Variants in SEC31A observed in about 807,000 individuals in gnomAD.
SEC31A encodes protein transport protein Sec31A.
SEC31A carries 70 observed loss-of-function variants against 151.0 expected under a neutral mutation model. The ratio of observed to expected loss-of-function variants is 0.46; its 90% confidence interval spans 0.38 to 0.57. The LOEUF (loss-of-function observed/expected upper bound fraction) is 0.57, where lower values mean the gene tolerates loss of function less well. SEC31A is among the 20% of genes least tolerant of loss of function. The pLI, the probability that SEC31A is intolerant of heterozygous loss-of-function variation, is 0.00. For missense variants in SEC31A, 1,330 were observed against 1,471.2 expected, an observed-to-expected ratio of 0.90 and a Z score of 1.57; for synonymous variants, 475 against 505.9, an observed-to-expected ratio of 0.94 and a Z score of 0.82.
intron 10 of SEC31A, among the ~76,000 whole-genome samples, chr4:82,866,357 G>A (rs997172830): frequency 2.0e-5 from 3 of 152,130 alleles, no homozygotes; most frequent in African/African-American, 7.2e-5. Flanking sequence ...TGTAATCCCA[G>A]CTACCCAGGA....
intron 22 of SEC31A, among the ~76,000 whole-genome samples, chr4:82,840,892 G>A (rs1351748835): frequency 2.0e-5 from 3 of 152,186 alleles, no homozygotes; most frequent in African/African-American, 7.2e-5. Context: ...AGATGCTCTG[G>A]GTGAGTTGTG....
At position 82,842,191 on chromosome 4, in the gene SEC31A, T is replaced by C. The variant is rs901228342; in HGVS notation, c.2917A>G (p.Thr973Ala). 3.3e-5 allele frequency: 53 copies of C among 1,598,368 alleles called. No homozygotes were observed. The highest frequency in any genetic ancestry group is 4.5e-5 in the Non-Finnish European group (53 of 1,170,646). Residue 973 changes from threonine (T) to alanine (A), a missense_variant, in exon 22 of 27, where the codon ACA becomes GCA. Thr to Ala is a moderately conservative substitution (Grantham distance 58). Coordinates refer to ENST00000395310, the MANE Select transcript of SEC31A (RefSeq NM_001077207.4). ...SSSAYALPPG[T>A]TGTLPAASEL... ...CTGGCAGCAGGCAGTGTACCTGTTGTTCCAGGAGGCAGTGCATAAGCTGAA... is the reference window on the plus strand; with the variant it reads ...CTGGCAGCAGGCAGTGTACCTGTTGCTCCAGGAGGCAGTGCATAAGCTGAA...
At chr4:82,827,231 T>A in intron 24 of SEC31A, 138 bp downstream of exon 24, 1 of 960,308 alleles carries the variant, frequency 1.0e-6, no homozygotes, top group Non-Finnish European at 1.6e-6. Context: ...TGATCGATCT[T>A]AAAAAAAAGT....
intron 21 of SEC31A, among the ~76,000 whole-genome samples, chr4:82,843,382 C>A (rs1182639334): frequency 1.3e-5 from 2 of 152,182 alleles, no homozygotes; most frequent in Admixed American, 1.3e-4. Context: ...AAGCAATCCT[C>A]CTAACTTCAG....
intron 6 of SEC31A, among the ~76,000 whole-genome samples, chr4:82,873,989 T>C (rs1737359050): frequency 6.6e-6 from 1 of 152,040 alleles, no homozygotes; most frequent in African/African-American, 2.4e-5. Context: ...CTAAGAAAAG[T>C]TAAAGATGAA....
intron 3 of SEC31A, among the ~76,000 whole-genome samples, chr4:82,896,849 G>A (rs1363193112): frequency 6.6e-6 from 1 of 152,142 alleles, no homozygotes; most frequent in African/African-American, 2.4e-5. Context: ...ATCATTGAAG[G>A]AGTTTGACCT....
chr4:82,827,749 T>C, intron 23 of SEC31A, 117 bp from the exon 24 acceptor site: 1 of 925,102 alleles, frequency 1.1e-6, no homozygotes, highest in Non-Finnish European at 1.7e-6. Flanking sequence ...TTTTTAATAG[T>C]AGTAGAATAC....
At chr4:82,851,686 A>G in intron 18 of SEC31A, 82 bp from the exon 19 acceptor site, 1 of 1,245,318 alleles carries the variant, frequency 8.0e-7, no homozygotes, top group Non-Finnish European at 1.1e-6. Flanking sequence ...AGTTACTAAG[A>G]TTTCTAAAAC....
intron 22 of SEC31A, among the ~76,000 whole-genome samples, chr4:82,837,524 T>C (rs1136884): frequency 6.6e-6 from 1 of 152,042 alleles, no homozygotes; most frequent in Admixed American, 6.6e-5. Flanking sequence ...GCTGGGAATA[T>C]AGGCATGTGC....
At chr4:82,889,896 G>C (rs1413487621) in intron 1 of SEC31A, among the ~76,000 whole-genome samples, 1 of 152,108 alleles carries the variant, frequency 6.6e-6, no homozygotes, top group Non-Finnish European at 1.5e-5. Flanking sequence ...TGTTAATTAA[G>C]GGATAGTGAG....
At chr4:82,846,397 A>ATAATAG (rs1207196533) in intron 20 of SEC31A, among the ~76,000 whole-genome samples, 1 of 148,484 alleles carries the variant, frequency 6.7e-6, no homozygotes, top group East Asian at 2.0e-4. Context: ...AATAATAATA[A>ATAATAG]TAATAATACA....
chr4:82,886,806 AAC>A (rs998354609), intron 1 of SEC31A, among the ~76,000 whole-genome samples: 5 of 152,232 alleles, frequency 3.3e-5, no homozygotes, highest in Admixed American at 3.3e-4. Context: ...AACATTTTGT[AAC>A]ATTCTACTAG....
intron 22 of SEC31A, 94 bp from the exon 23 acceptor site, chr4:82,829,152 T>A: frequency 1.9e-6 from 2 of 1,027,230 alleles, no homozygotes; most frequent in East Asian, 2.5e-5. Flanking sequence ...AATTCTGCCT[T>A]AACCCTGAAA....
At chr4:82,863,472 A>G in intron 11 of SEC31A, 80 bp from the exon 12 acceptor site, 1 of 750,954 alleles carries the variant, frequency 1.3e-6, no homozygotes, top group Admixed American at 2.9e-5. Context: ...TCAAATTCCA[A>G]AGAGAATTAT....
chr4:82,844,577 C>T (rs1035111737), intron 20 of SEC31A, 68 bp from the exon 21 acceptor site: 5 of 1,461,242 alleles, frequency 3.4e-6, no homozygotes, highest in Non-Finnish European at 4.7e-6. Context: ...GATGGAATTA[C>T]AATCTCTGAA....
At chr4:82,858,943 C>T (rs994727223) in intron 14 of SEC31A, among the ~76,000 whole-genome samples, 5 of 151,928 alleles carry the variant, frequency 3.3e-5, no homozygotes, top group Non-Finnish European at 7.4e-5. Flanking sequence ...CCTCATGATC[C>T]GCCCTCCTTG....
At chr4:82,891,715 A>G (rs2125996951), upstream of SEC31A, among the ~76,000 whole-genome samples, 1 of 40,390 alleles carries the variant, frequency 2.5e-5, no homozygotes, top group East Asian at 1.1e-3. Context: ...AGAGGTATAG[A>G]TGGGGTGTTA....
intron 26 of SEC31A, 79 bp downstream of exon 26, chr4:82,820,958 G>T: frequency 8.4e-7 from 1 of 1,185,410 alleles, no homozygotes; most frequent in Non-Finnish European, 1.3e-6. Context: ...CATACTAAAT[G>T]GGAGTGCTGA....
At chr4:82,894,626 T>TA (rs1241329017), upstream of SEC31A, 9 of 152,266 alleles carry the variant, frequency 5.9e-5, no homozygotes, top group Non-Finnish European at 1.2e-4. Flanking sequence ...AACATTACCT[T>TA]ATGCCTTCTT....
Sources: gnomAD v4.1 joint callset for allele counts (sites outside exome capture counted in the v4.1 genomes callset) on GRCh38, gnomAD v4.1.1 for gene constraint, MANE v1.5 for transcripts, NCBI Gene and HGNC (gene_info 2026-07-23, HGNC 2026-07-21) for gene names.